The following RBMS3 variants were observed in gnomAD, a reference collection of about 807,000 sequenced individuals.
RBMS3 encodes the protein RNA-binding motif, single-stranded-interacting protein 3.
In RBMS3, 27 loss-of-function variants were observed where a neutral mutation model predicts 66.8. The ratio of observed to expected loss-of-function variants is 0.40; its 90% CI spans 0.30 to 0.56. RBMS3 has a LOEUF of 0.56. Among genes scored for constraint, RBMS3 ranks in the 20% least tolerant of loss-of-function variants. The pLI, the probability that RBMS3 is intolerant of heterozygous loss-of-function variation, is 0.40. For missense variants in RBMS3, 513 were observed against 549.5 expected (o/e 0.93, Z 0.66); for synonymous variants, 188 against 183.0 (o/e 1.03, Z -0.22).
chr3:29,879,750 T>G (rs1265469753), intron 7 of RBMS3, among the ~76,000 whole-genome samples: 2 of 152,182 alleles, frequency 1.3e-5, no homozygotes, highest in East Asian at 3.9e-4. Flanking sequence ...TGCCCCCAAT[T>G]TTTTGATCCC....
chr3:29,999,013 C>G (rs1699436284), intron 14 of RBMS3, among the ~76,000 whole-genome samples: 1 of 152,036 alleles, frequency 6.6e-6, no homozygotes, highest in Non-Finnish European at 1.5e-5. Flanking sequence ...ATTTTCGCAA[C>G]CTACTCATCT....
intron 5 of RBMS3, among the ~76,000 whole-genome samples, chr3:29,745,442 A>T (rs2054845430): frequency 6.6e-6 from 1 of 152,170 alleles, no homozygotes; most frequent in Admixed American, 6.5e-5. Context: ...CAGAGCGTAA[A>T]TCATCCAGAG....
At chr3:29,728,894 A>G (rs2054001465) in intron 4 of RBMS3, among the ~76,000 whole-genome samples, 1 of 152,162 alleles carries the variant, frequency 6.6e-6, no homozygotes, top group Non-Finnish European at 1.5e-5. Flanking sequence ...ACATTGGACA[A>G]TTTAGGAATA....
chr3:29,822,442 T>C (rs1274810208), intron 6 of RBMS3, among the ~76,000 whole-genome samples: 3 of 152,166 alleles, frequency 2.0e-5, no homozygotes, highest in Non-Finnish European at 4.4e-5. Flanking sequence ...AGAAAGTGCA[T>C]TAAAACATAT....
intron 1 of RBMS3, among the ~76,000 whole-genome samples, chr3:29,285,487 AG>A (rs1363936417): frequency 6.6e-6 from 1 of 152,154 alleles, no homozygotes; most frequent in Non-Finnish European, 1.5e-5. Context: ...CACCCTTACC[AG>A]TTCACTATGT....
chr3:29,868,784 C>T, intron 6 of RBMS3, 74 bp from the exon 7 acceptor site: 5 of 1,243,180 alleles, frequency 4.0e-6, no homozygotes, highest in Non-Finnish European at 5.7e-6. Context: ...TTACAAAGCA[C>T]TACTGTGACT....
At chr3:29,892,855 T>G (rs1264417507) in intron 8 of RBMS3, among the ~76,000 whole-genome samples, 2 of 148,854 alleles carry the variant, frequency 1.3e-5, no homozygotes, top group South Asian at 2.1e-4. Flanking sequence ...ATTTATTTAT[T>G]TATTTATTTA....
intron 4 of RBMS3, among the ~76,000 whole-genome samples, chr3:29,719,972 A>T (rs962491108): frequency 2.0e-5 from 3 of 149,378 alleles, no homozygotes; most frequent in African/African-American, 7.4e-5. Flanking sequence ...GTCTTTCCCC[A>T]CTTAAATTCA....
chr3:29,987,314 T>A (rs1338106283), intron 12 of RBMS3, among the ~76,000 whole-genome samples: 7 of 152,164 alleles, frequency 4.6e-5, no homozygotes, highest in Admixed American at 4.6e-4. Flanking sequence ...AGGTGCAGGA[T>A]GAATATGTGT....
chr3:29,847,956 G>A (rs1184381940), intron 6 of RBMS3, among the ~76,000 whole-genome samples: 1 of 152,124 alleles, frequency 6.6e-6, no homozygotes, highest in Non-Finnish European at 1.5e-5. Flanking sequence ...TGTTTTAAAT[G>A]AAACACTGTG....
At chr3:29,359,375 C>G (rs538978956) in intron 1 of RBMS3, among the ~76,000 whole-genome samples, 2 of 152,294 alleles carry the variant, frequency 1.3e-5, no homozygotes, top group East Asian at 1.9e-4. Flanking sequence ...GTTGAACCAG[C>G]CTTGCATCCC....
At chr3:29,701,249 C>T (rs965172845) in intron 4 of RBMS3, among the ~76,000 whole-genome samples, 4 of 151,732 alleles carry the variant, frequency 2.6e-5, no homozygotes, top group African/African-American at 9.7e-5. Context: ...TGCACTCCAG[C>T]CTGGGCAATA....
intron 12 of RBMS3, among the ~76,000 whole-genome samples, chr3:29,985,265 C>T (rs1457093907): frequency 6.6e-6 from 1 of 152,222 alleles, no homozygotes; most frequent in East Asian, 1.9e-4. Context: ...GGACTTCAGA[C>T]TGCTGTGCTG....
chr3:29,973,562 C>G, intron 12 of RBMS3, among the ~76,000 whole-genome samples: 1 of 151,984 alleles, frequency 6.6e-6, no homozygotes, highest in South Asian at 2.1e-4. Context: ...TAATACTTGG[C>G]ATATAATAGG....
chr3:29,471,921 A>C (rs1190136133), intron 2 of RBMS3, among the ~76,000 whole-genome samples: 1 of 152,100 alleles, frequency 6.6e-6, no homozygotes, highest in East Asian at 1.9e-4. Context: ...TAAACATAAC[A>C]GTTAAATTTC....
intron 6 of RBMS3, among the ~76,000 whole-genome samples, chr3:29,828,849 T>G (rs1274512043): frequency 6.6e-6 from 1 of 152,168 alleles, no homozygotes; most frequent in Non-Finnish European, 1.5e-5. Flanking sequence ...TGGCAATCAA[T>G]TTGCATACTT....
At chr3:29,877,394 T>A (rs2149566969) in intron 7 of RBMS3, among the ~76,000 whole-genome samples, 1 of 152,234 alleles carries the variant, frequency 6.6e-6, no homozygotes, top group African/African-American at 2.4e-5. Context: ...AAAAATACAC[T>A]GGTCAAATGA....
chr3:29,729,473 C>A (rs1174356839), intron 4 of RBMS3, among the ~76,000 whole-genome samples: 2 of 152,168 alleles, frequency 1.3e-5, no homozygotes, highest in Non-Finnish European at 2.9e-5. Context: ...TTTATAGTAG[C>A]ATGATTTATA....
chr3:29,757,792 C>T (rs1345679045), intron 5 of RBMS3, among the ~76,000 whole-genome samples: 1 of 152,172 alleles, frequency 6.6e-6, no homozygotes, highest in African/African-American at 2.4e-5. Flanking sequence ...TACCATGGCA[C>T]ATTTGTCAAA....
Sources: gnomAD v4.1 joint callset for allele counts (sites outside exome capture counted in the v4.1 genomes callset) on GRCh38, gnomAD v4.1.1 for gene constraint, MANE v1.5 for transcripts, NCBI Gene and HGNC (gene_info 2026-07-23, HGNC 2026-07-21) for gene names.